HPSE2: variants seen among roughly 807,000 people sequenced by gnomAD.
HPSE2 encodes inactive heparanase-2.
HPSE2 carries 38 observed loss-of-function variants against 60.5 expected under a neutral mutation model. The observed-to-expected ratio is 0.63, with a 90% CI of 0.48 to 0.82. The LOEUF is 0.82. Among genes scored for constraint, HPSE2 ranks in the 40% least tolerant of loss-of-function variants. The pLI is 0.00. For missense variants in HPSE2, 713 were observed against 740.4 expected (o/e 0.96, Z 0.43); for synonymous variants, 295 against 293.2 (o/e 1.01, Z -0.06).
intron 6 of HPSE2, among the ~76,000 whole-genome samples, chr10:98,685,204 C>T (rs1427178698): frequency 1.3e-5 from 2 of 152,170 alleles, no homozygotes; most frequent in African/African-American, 4.8e-5. Context: ...TGGTACACTT[C>T]ATCCTGAACA....
Position 98,918,392 on chromosome 10 carries a change from C to T in HPSE2, c.611-174336G>A, listed in dbSNP as rs541659091. 1.2e-3 allele frequency among the ~76,000 whole-genome samples: 185 copies of T among 151,476 alleles called. 1 individual carries two copies. Among genetic ancestry groups the T allele is most frequent in the African/African-American group, 4.0e-3 (164 of 41,266 alleles). Reference sequence around the variant, plus strand: ...GACACATGCACACGTATGTTTATTGCGGCACTATTCACAATAGCAAAGACT... The same window carrying T: ...GACACATGCACACGTATGTTTATTGTGGCACTATTCACAATAGCAAAGACT... On this transcript the variant is annotated intron_variant, in intron 3 of 11. Transcript: ENST00000370552.
At chr10:99,075,762 TTTA>T (rs1842933631) in intron 3 of HPSE2, among the ~76,000 whole-genome samples, 1 of 152,182 alleles carries the variant, frequency 6.6e-6, no homozygotes, top group Non-Finnish European at 1.5e-5. Context: ...AATTTACTCT[TTTA>T]TTATTATATA....
chr10:99,129,897 A>T (rs1378893757), intron 3 of HPSE2, among the ~76,000 whole-genome samples: 1 of 152,220 alleles, frequency 6.6e-6, no homozygotes, highest in African/African-American at 2.4e-5. Context: ...TTAACCAAGA[A>T]AAGAAGAGAG....
At chr10:98,480,106 T>TTTTTA (rs1941177801) in intron 11 of HPSE2, among the ~76,000 whole-genome samples, 2 of 151,826 alleles carry the variant, frequency 1.3e-5, no homozygotes, top group African/African-American at 2.4e-5. Flanking sequence ...TTTTTTTTTT[T>TTTTTA]GAGGCAGAGT....
At chr10:98,770,750 G>A (rs1034438730) in intron 3 of HPSE2, among the ~76,000 whole-genome samples, 1 of 151,872 alleles carries the variant, frequency 6.6e-6, no homozygotes, top group Non-Finnish European at 1.5e-5. Flanking sequence ...ACATCTAATC[G>A]TATCTTAGTG....
At chr10:99,243,741 G>C in the HPSE2 span, among the ~76,000 whole-genome samples, 1 of 152,082 alleles carries the variant, frequency 6.6e-6, no homozygotes, top group South Asian at 2.1e-4. Flanking sequence ...TTTGAGACCA[G>C]CCTGGCCAAC....
chr10:98,960,701 C>CTTTTTTTTTTTATTTTTATTTTTTTT (rs1955634019), intron 3 of HPSE2, among the ~76,000 whole-genome samples: 3 of 57,566 alleles, frequency 5.2e-5, no homozygotes, highest in African/African-American at 1.7e-4. Context: ...ATGTACATTT[C>CTTTTTTTTTTTATTTTTATTTTTTTT]TTTTTTTTTT....
chr10:99,305,684 C>T, the HPSE2 span, among the ~76,000 whole-genome samples: 2 of 151,990 alleles, frequency 1.3e-5, no homozygotes, highest in South Asian at 4.2e-4. Context: ...ATAGGTCATA[C>T]AGATATTGGA....
chr10:98,982,982 T>G (rs1956243244), intron 3 of HPSE2, among the ~76,000 whole-genome samples: 1 of 152,262 alleles, frequency 6.6e-6, no homozygotes, highest in East Asian at 1.9e-4. Context: ...TACAAATTCT[T>G]TCAAATTAGT....
At chr10:99,234,407 A>C (rs1192090776) in intron 1 of HPSE2, among the ~76,000 whole-genome samples, 1 of 152,232 alleles carries the variant, frequency 6.6e-6, no homozygotes, top group Non-Finnish European at 1.5e-5. Flanking sequence ...AAAAATACGA[A>C]GGACGCACAA....
At chr10:98,804,774 T>C (rs928369666) in intron 3 of HPSE2, among the ~76,000 whole-genome samples, 1 of 152,170 alleles carries the variant, frequency 6.6e-6, no homozygotes, top group African/African-American at 2.4e-5. Context: ...AGCAATCCCA[T>C]TGCTGGGTAT....
At chr10:98,723,223 A>G (rs377002712) in intron 4 of HPSE2, among the ~76,000 whole-genome samples, 1 of 152,140 alleles carries the variant, frequency 6.6e-6, no homozygotes, top group Non-Finnish European at 1.5e-5. Context: ...TGAGATAATC[A>G]TGTGGTTTTT....
At chr10:98,686,513 T>C (rs974416074) in intron 6 of HPSE2, among the ~76,000 whole-genome samples, 6 of 152,092 alleles carry the variant, frequency 3.9e-5, no homozygotes, top group Non-Finnish European at 8.8e-5. Flanking sequence ...GGGACCCTCC[T>C]ACCTCAGCCT....
intron 3 of HPSE2, among the ~76,000 whole-genome samples, chr10:98,831,081 C>T (rs1276619941): frequency 4.6e-5 from 7 of 152,128 alleles, no homozygotes; most frequent in African/African-American, 1.7e-4. Flanking sequence ...TATACAACAG[C>T]ACATTTTTCT....
chr10:98,952,636 A>T (rs748620919), intron 3 of HPSE2, among the ~76,000 whole-genome samples: 11 of 152,178 alleles, frequency 7.2e-5, no homozygotes, highest in African/African-American at 2.4e-4. Flanking sequence ...ACAAAATACC[A>T]TATAATAAGT....
the HPSE2 span, among the ~76,000 whole-genome samples, chr10:99,308,869 C>T: frequency 2.0e-4 from 31 of 152,238 alleles, no homozygotes; most frequent in South Asian, 8.3e-4. Flanking sequence ...CCAAAATAGG[C>T]GATTCTGATG....
At chr10:99,153,972 T>C (rs1039067440) in intron 2 of HPSE2, among the ~76,000 whole-genome samples, 15 of 152,056 alleles carry the variant, frequency 9.9e-5, no homozygotes, top group African/African-American at 2.9e-4. Context: ...CCTCAGGAGC[T>C]GATGCGATCA....
intron 3 of HPSE2, among the ~76,000 whole-genome samples, chr10:98,846,950 A>C (rs1343064883): frequency 1.3e-5 from 2 of 152,192 alleles, no homozygotes; most frequent in Non-Finnish European, 2.9e-5. Context: ...TGTGCAAATC[A>C]GAGGGTGTGT....
At chr10:98,713,108 TG>T (rs1261814678) in intron 5 of HPSE2, among the ~76,000 whole-genome samples, 1 of 151,986 alleles carries the variant, frequency 6.6e-6, no homozygotes, top group Non-Finnish European at 1.5e-5. Flanking sequence ...TGCTCTAGCA[TG>T]GTACTAGCTT....
Sources: allele counts gnomAD v4.1 joint callset (sites outside exome capture counted in the v4.1 genomes callset), GRCh38; gene constraint gnomAD v4.1.1; transcripts MANE v1.5; gene names NCBI Gene and HGNC (gene_info 2026-07-23, HGNC 2026-07-21).